SND1: variants seen among roughly 807,000 people sequenced by gnomAD.
SND1 encodes staphylococcal nuclease domain-containing protein 1.
Under a neutral mutation model 121.7 loss-of-function variants are expected in SND1, and 38 were observed. The ratio of observed to expected loss-of-function variants is 0.31; its 90% confidence interval spans 0.24 to 0.41. SND1 has a LOEUF of 0.41. Among genes scored for constraint, SND1 ranks in the 10% least tolerant of loss-of-function variants. The pLI, the probability that SND1 is intolerant of heterozygous loss-of-function variation, is 1.00. For missense variants in SND1, 868 were observed against 1,184.6 expected, an observed-to-expected ratio of 0.73 and a Z score of 3.92; for synonymous variants, 401 against 447.4, an observed-to-expected ratio of 0.90 and a Z score of 1.31.
At chr7:127,777,470 G>A (rs530397384) in intron 10 of SND1, among the ~76,000 whole-genome samples, 4 of 152,290 alleles carry the variant, frequency 2.6e-5, no homozygotes, top group Admixed American at 6.5e-5. Flanking sequence ...CTAGACTTCC[G>A]TCTTAATTGG....
chr7:127,707,732 G>A (rs1796225815), intron 9 of SND1, 85 bp downstream of exon 9: 1 of 1,190,482 alleles, frequency 8.4e-7, no homozygotes, highest in Non-Finnish European at 1.2e-6. Context: ...TAGAAATGCT[G>A]AAGCTCTTGA....
rs567950524 is a variant in SND1 at position 127,859,081 on chromosome 7, G to A, written c.1343+14657G>A. 4.6e-4 allele frequency among the ~76,000 whole-genome samples: 70 copies of A among 152,296 alleles called. 2 individuals are homozygous for A. The highest frequency in any genetic ancestry group is 6.8e-3 in the Middle Eastern group (2 of 294). On this transcript the variant is annotated intron_variant, in intron 12 of 23. Coordinates refer to ENST00000354725, the MANE Select transcript of SND1 (RefSeq NM_014390.4). ...TTCACTGTCAGAGCAGATCATTCCA[G>A]ATGCCATTATGTAATTTTCTGTCTT...
intron 11 of SND1, among the ~76,000 whole-genome samples, chr7:127,819,070 T>C (rs1040802774): frequency 1.3e-5 from 2 of 152,232 alleles, no homozygotes; most frequent in African/African-American, 4.8e-5. Flanking sequence ...TTGACACCTC[T>C]AATTCCTTGT....
At chr7:127,764,760 T>G (rs1385462497) in intron 10 of SND1, among the ~76,000 whole-genome samples, 4 of 152,138 alleles carry the variant, frequency 2.6e-5, no homozygotes, top group Non-Finnish European at 5.9e-5. Context: ...CCAGGACTGG[T>G]TTGAAGGATC....
intron 16 of SND1, among the ~76,000 whole-genome samples, chr7:128,035,132 G>C (rs190956417): frequency 6.6e-6 from 1 of 152,246 alleles, no homozygotes; most frequent in Non-Finnish European, 1.5e-5. Context: ...AATGAGCCCT[G>C]TGCTAAGATT....
chr7:127,709,175 T>C (rs1338002758), intron 9 of SND1, among the ~76,000 whole-genome samples: 1 of 152,180 alleles, frequency 6.6e-6, no homozygotes, highest in Non-Finnish European at 1.5e-5. Context: ...CAATGTCCCT[T>C]CTTTGTGAGG....
chr7:127,786,058 G>A (rs1481394803), intron 10 of SND1, among the ~76,000 whole-genome samples: 2 of 151,904 alleles, frequency 1.3e-5, no homozygotes, highest in Non-Finnish European at 2.9e-5. Flanking sequence ...GACACTTCCT[G>A]AAGCCTGGAC....
chr7:127,855,667 C>CA (rs763952315), intron 12 of SND1, among the ~76,000 whole-genome samples: 56 of 152,168 alleles, frequency 3.7e-4, no homozygotes, highest in Admixed American at 3.0e-3. Context: ...CTAAGCCCTC[C>CA]AGAGGGGAGC....
At chr7:128,064,065 A>G (rs1157784534) in intron 16 of SND1, among the ~76,000 whole-genome samples, 1 of 152,090 alleles carries the variant, frequency 6.6e-6, no homozygotes. Flanking sequence ...AAGTAACAAC[A>G]TTTATTGAGC....
At chr7:128,030,626 C>A in intron 16 of SND1, 1 of 1,560,930 alleles carries the variant, frequency 6.4e-7, no homozygotes, top group Non-Finnish European at 8.7e-7. Flanking sequence ...CAGTTACCTG[C>A]CACAAGAGCT....
At chr7:127,819,311 A>G (rs1047299602) in intron 11 of SND1, among the ~76,000 whole-genome samples, 2 of 152,192 alleles carry the variant, frequency 1.3e-5, no homozygotes, top group Non-Finnish European at 2.9e-5. Flanking sequence ...AAGATTGTGT[A>G]TCATCACATT....
intron 10 of SND1, among the ~76,000 whole-genome samples, chr7:127,743,024 A>G (rs764190208): frequency 1.3e-5 from 2 of 152,132 alleles, no homozygotes; most frequent in African/African-American, 4.8e-5. Context: ...GGTAACTAAC[A>G]TGTTAACCCC....
rs1332216462 is a variant in SND1 at position 127,844,351 on chromosome 7, C to A, written c.1270C>A (p.Pro424Thr). 6.2e-7 allele frequency: 1 copy of A among 1,613,346 alleles called. No individual in the cohort carries two copies. Among genetic ancestry groups the A allele is most frequent in the East Asian group, 2.2e-5 (1 of 44,844 alleles). Residue 424 changes from proline to threonine, a missense_variant, in exon 12 of 24, where the codon CCA becomes ACA. Physicochemically the swap from Pro to Thr is conservative, Grantham distance 38 (BLOSUM62 -1). This residue lies in a region of SND1 where 743 missense variants were observed against 1,071.3 expected (regional missense o/e 0.69). Transcript: ENST00000354725. ...KVNVTVDYIR[P>T]ASPATETVPA... The stretch of plus-strand genomic sequence containing the variant: ...CAATGTGACGGTGGACTACATTAGA[C>A]CAGCCAGCCCAGCCACAGAGACAGT...
chr7:127,751,198 CTT>C (rs1363078440), intron 10 of SND1, among the ~76,000 whole-genome samples: 1 of 151,996 alleles, frequency 6.6e-6, no homozygotes, highest in Non-Finnish European at 1.5e-5. Flanking sequence ...TCTTCCCTCT[CTT>C]GTTGAATGGT....
chr7:127,807,376 G>A, intron 10 of SND1, 108 bp from the exon 11 acceptor site: 1 of 774,318 alleles, frequency 1.3e-6, no homozygotes, highest in Non-Finnish European at 2.2e-6. Context: ...TTTAATATTT[G>A]CGATACTAAG....
At chr7:127,682,140 C>G (rs1196285406) in intron 1 of SND1, among the ~76,000 whole-genome samples, 1 of 152,134 alleles carries the variant, frequency 6.6e-6, no homozygotes, top group Non-Finnish European at 1.5e-5. Flanking sequence ...AATAGTTAAA[C>G]AAACCAAGTC....
At chr7:127,934,292 G>A (rs1390235636) in intron 15 of SND1, among the ~76,000 whole-genome samples, 1 of 152,200 alleles carries the variant, frequency 6.6e-6, no homozygotes, top group Non-Finnish European at 1.5e-5. Flanking sequence ...TACTGGTGGA[G>A]TATAAAGAGT....
chr7:127,951,935 A>G (rs1223347278), intron 15 of SND1, among the ~76,000 whole-genome samples: 3 of 152,236 alleles, frequency 2.0e-5, no homozygotes, highest in Non-Finnish European at 2.9e-5. Context: ...TGCTACATAA[A>G]AAGAGGTAGC....
At chr7:127,960,433 T>C (rs1038558596) in intron 15 of SND1, among the ~76,000 whole-genome samples, 1 of 152,136 alleles carries the variant, frequency 6.6e-6, no homozygotes, top group African/African-American at 2.4e-5. Flanking sequence ...TCTTTGGAGG[T>C]TGATACTGTT....
Sources: allele counts gnomAD v4.1 joint callset (sites outside exome capture counted in the v4.1 genomes callset), GRCh38; gene constraint gnomAD v4.1.1; regional missense constraint gnomAD v4.1.1; transcripts MANE v1.5; gene names NCBI Gene and HGNC (gene_info 2026-07-23, HGNC 2026-07-21).